The following DYNC1I2 variants were observed in gnomAD, a reference collection of about 807,000 sequenced individuals.
DYNC1I2 encodes the protein cytoplasmic dynein 1 intermediate chain 2.
DYNC1I2 carries 53 observed loss-of-function variants against 88.6 expected under a neutral mutation model. The observed-to-expected ratio is 0.60, with a 90% CI of 0.48 to 0.75. DYNC1I2 has a LOEUF of 0.75. Among genes scored for constraint, DYNC1I2 ranks in the 30% least tolerant of loss-of-function variants. DYNC1I2 has a pLI of 0.00. For missense variants in DYNC1I2, 458 were observed against 766.6 expected, an observed-to-expected ratio of 0.60 and a Z score of 4.75; for synonymous variants, 198 against 254.6, an observed-to-expected ratio of 0.78 and a Z score of 2.12.
intron 3 of DYNC1I2, among the ~76,000 whole-genome samples, 192 bp from the exon 4 acceptor site, chr2:171,706,355 G>A (rs750389685): frequency 1.1e-4 from 16 of 152,032 alleles, no homozygotes; most frequent in South Asian, 2.1e-4. Flanking sequence ...TCCCTGCAAC[G>A]GTAATCAAAA....
intron 5 of DYNC1I2, among the ~76,000 whole-genome samples, chr2:171,708,858 A>G (rs1686886835): frequency 6.6e-6 from 1 of 151,770 alleles, no homozygotes; most frequent in South Asian, 2.1e-4. Context: ...ATGCCTGGCT[A>G]ATTTTTGTAT....
intron 6 of DYNC1I2, among the ~76,000 whole-genome samples, chr2:171,713,238 G>C (rs2105588732): frequency 6.6e-6 from 1 of 152,022 alleles, no homozygotes; most frequent in South Asian, 2.1e-4. Context: ...TCCTTACACT[G>C]TTCATTCATT....
chr2:171,707,466 G>A, intron 5 of DYNC1I2, 89 bp downstream of exon 5: 1 of 1,145,974 alleles, frequency 8.7e-7, no homozygotes, highest in Non-Finnish European at 1.2e-6. Flanking sequence ...CTAAATAGTT[G>A]TGTCGAGTTA....
At position 171,707,410 on chromosome 2, in the gene DYNC1I2, T is replaced by C. The variant is rs776438061; in HGVS notation, c.335+33T>C. 19 of 1,593,060 alleles carry C rather than the reference T, an allele frequency of 1.2e-5. No homozygotes were observed. The East Asian group carries it at 3.8e-4, about 32-fold the overall frequency. On this transcript the variant is annotated intron_variant, in intron 5 of 17. Coordinates refer to ENST00000397119, the MANE Select transcript of DYNC1I2 (RefSeq NM_001378.3). Reference sequence around the variant, plus strand: ...AATTTTCCTTTTAATGTTTTAATGATAGAATGCATTCAGTGCCCAAATACT... The same window carrying C: ...AATTTTCCTTTTAATGTTTTAATGACAGAATGCATTCAGTGCCCAAATACT...
intron 15 of DYNC1I2, among the ~76,000 whole-genome samples, chr2:171,736,379 A>G (rs974997637): frequency 1.3e-5 from 2 of 152,212 alleles, no homozygotes; most frequent in Non-Finnish European, 2.9e-5. Flanking sequence ...GAGAATGTCA[A>G]TTTATTAATT....
chr2:171,725,335 T>C (rs1688164855), intron 7 of DYNC1I2, among the ~76,000 whole-genome samples: 1 of 152,190 alleles, frequency 6.6e-6, no homozygotes. Flanking sequence ...ATATATCTTA[T>C]TTCAGTTTAT....
At chr2:171,735,810 C>A (rs1312597382) in intron 15 of DYNC1I2, among the ~76,000 whole-genome samples, 1 of 152,218 alleles carries the variant, frequency 6.6e-6, no homozygotes, top group Admixed American at 6.5e-5. Flanking sequence ...TGTTCTACCA[C>A]ATTTAACCAT....
At chr2:171,737,601 AG>A (rs1202115590) in intron 15 of DYNC1I2, among the ~76,000 whole-genome samples, 3 of 152,164 alleles carry the variant, frequency 2.0e-5, no homozygotes, top group Non-Finnish European at 4.4e-5. Flanking sequence ...CATTTTTAGT[AG>A]AGACAGGGTT....
At chr2:171,734,138 C>T (rs568419422) in intron 15 of DYNC1I2, among the ~76,000 whole-genome samples, 1 of 152,220 alleles carries the variant, frequency 6.6e-6, no homozygotes, top group East Asian at 1.9e-4. Flanking sequence ...GTTCCCTATT[C>T]TGTTCCCAGT....
intron 15 of DYNC1I2, among the ~76,000 whole-genome samples, chr2:171,742,151 G>T (rs1010940746): frequency 6.6e-6 from 1 of 151,828 alleles, no homozygotes; most frequent in Non-Finnish European, 1.5e-5. Context: ...TGTAAGGAAG[G>T]AGGGATCCAA....
intron 3 of DYNC1I2, among the ~76,000 whole-genome samples, chr2:171,705,668 G>A (rs375136984): frequency 6.6e-6 from 1 of 152,008 alleles, no homozygotes; most frequent in Non-Finnish European, 1.5e-5. Flanking sequence ...ATGAAGAAAT[G>A]TAACCTAAGA....
At chr2:171,732,915 G>T (rs1688722215) in intron 15 of DYNC1I2, among the ~76,000 whole-genome samples, 2 of 152,040 alleles carry the variant, frequency 1.3e-5, no homozygotes, top group East Asian at 1.9e-4. Flanking sequence ...GTGTGGGTTT[G>T]TTATGCAGAT....
intron 2 of DYNC1I2, among the ~76,000 whole-genome samples, chr2:171,690,597 C>T (rs1452992785): frequency 1.3e-5 from 2 of 149,908 alleles, no homozygotes; most frequent in African/African-American, 4.9e-5. Context: ...ACAATTTAGT[C>T]TCCTAGGAAT....
chr2:171,726,316 G>A (rs370187651), intron 10 of DYNC1I2, 23 bp downstream of exon 10: 369 of 1,486,326 alleles, frequency 2.5e-4, no homozygotes, highest in Middle Eastern at 7.1e-4. Flanking sequence ...AAAATAGGCC[G>A]CTCTTAACTC....
At chr2:171,726,616 C>A in intron 10 of DYNC1I2, 175 bp from the exon 11 acceptor site, 1 of 648,752 alleles carries the variant, frequency 1.5e-6, no homozygotes, top group Non-Finnish European at 2.4e-6. Context: ...ATTAACTGTT[C>A]TAATTTAAAA....
chr2:171,715,387 A>C lies in DYNC1I2; in HGVS notation c.455A>C (p.Glu152Ala). 1.3e-6 allele frequency: 2 copies of C among 1,570,370 alleles called. No individual in the cohort carries two copies. The highest frequency in any genetic ancestry group is 1.7e-6 in the Non-Finnish European group (2 of 1,156,214). ...ACGCAAGTCGACTTTCCTCCTCGAG[A>C]AATTGTCACGTATACAAAGGAAACT... ...KITQVDFPPR[E>A]IVTYTKETQT... is the part of the protein sequence containing the mutation. Residue 152 changes from glutamate to alanine, a missense_variant, in exon 7 of 18, where the codon GAA becomes GCA. Coordinates refer to ENST00000397119, the MANE Select transcript of DYNC1I2 (RefSeq NM_001378.3).
intron 3 of DYNC1I2, among the ~76,000 whole-genome samples, chr2:171,703,895 C>T (rs1209755932): frequency 1.3e-5 from 2 of 152,148 alleles, no homozygotes; most frequent in African/African-American, 2.4e-5. Flanking sequence ...TTCCACGCAT[C>T]CCAAAAGCTC....
chr2:171,728,914 G>T, intron 14 of DYNC1I2, 64 bp downstream of exon 14: 1 of 1,492,824 alleles, frequency 6.7e-7, no homozygotes, highest in Admixed American at 2.4e-5. Flanking sequence ...GAAACAAATT[G>T]TCTTATTTAA....
chr2:171,744,884 T>C (rs922244317), intron 16 of DYNC1I2, among the ~76,000 whole-genome samples: 4 of 152,194 alleles, frequency 2.6e-5, no homozygotes, highest in South Asian at 4.1e-4. Flanking sequence ...TTTCTGTCAA[T>C]AACAATTGTT....
Sources: gnomAD v4.1 joint callset for allele counts (sites outside exome capture counted in the v4.1 genomes callset) on GRCh38, gnomAD v4.1.1 for gene constraint, MANE v1.5 for transcripts, NCBI Gene and HGNC (gene_info 2026-07-23, HGNC 2026-07-21) for gene names.